The following WWP1 variants were observed in gnomAD, a reference collection of about 807,000 sequenced individuals.
WWP1 encodes the protein NEDD4-like E3 ubiquitin-protein ligase WWP1.
A neutral mutation model predicts 130.6 loss-of-function variants in WWP1; 49 were observed. The ratio of observed to expected loss-of-function variants is 0.38; its 90% CI spans 0.30 to 0.48. The LOEUF (loss-of-function observed/expected upper bound fraction) is 0.48, where lower values mean the gene tolerates loss of function less well. Ranked by LOEUF, WWP1 falls within the 20% of genes least tolerant of loss-of-function variation. WWP1 has a pLI of 0.99. For synonymous variants in WWP1, 332 were observed against 367.8 expected (o/e 0.90, Z 1.11); for missense variants, 809 against 1,100.6 (o/e 0.74, Z 3.75).
intron 14 of WWP1, 40 bp downstream of exon 14, chr8:86,431,783 G>A: frequency 6.2e-7 from 1 of 1,608,252 alleles, no homozygotes; most frequent in African/African-American, 1.3e-5. Context: ...ATATTGCTTA[G>A]TGAGCACATG....
intron 18 of WWP1, among the ~76,000 whole-genome samples, chr8:86,444,755 G>A (rs1366386388): frequency 1.3e-5 from 2 of 152,110 alleles, no homozygotes; most frequent in Non-Finnish European, 2.9e-5. Context: ...AGAGAATGGA[G>A]GGAGAGTGGA....
intron 17 of WWP1, among the ~76,000 whole-genome samples, chr8:86,438,947 A>G (rs561506754): frequency 6.6e-6 from 1 of 152,314 alleles, no homozygotes; most frequent in South Asian, 2.1e-4. Context: ...TACAAAATGT[A>G]GGATCTGATT....
intron 14 of WWP1, among the ~76,000 whole-genome samples, chr8:86,433,511 T>C (rs141455484): frequency 0.12 from 18,571 of 151,026 alleles, 1,528 homozygotes; most frequent in Non-Finnish European, 0.18. Flanking sequence ...CCCAGGAGTT[T>C]GAGACCAGCC....
intron 2 of WWP1, among the ~76,000 whole-genome samples, chr8:86,371,844 C>CT (rs970172956): frequency 6.6e-6 from 1 of 151,544 alleles, no homozygotes; most frequent in East Asian, 1.9e-4. Context: ...AATATTCACC[C>CT]TTTTTTTCTT....
intron 18 of WWP1, among the ~76,000 whole-genome samples, chr8:86,446,868 A>T (rs912195411): frequency 2.0e-5 from 3 of 152,248 alleles, no homozygotes; most frequent in Non-Finnish European, 4.4e-5. Flanking sequence ...TGGAAAGATT[A>T]TCTATAATAA....
rs1812276257 is a variant in WWP1 at position 86,468,225 on chromosome 8, TATAA to T, written c.*1336_*1339del. 2 of 287,236 alleles carry T rather than the reference TATAA, an allele frequency of 7.0e-6. No individual in the cohort carries two copies. Among genetic ancestry groups the T allele is most frequent in the South Asian group, 3.4e-5 (1 of 29,320 alleles). 17.8% of individuals were successfully genotyped at this position (287,236 alleles called of 1,614,324 possible). ...AACTGACTTCTTAAAATCTGTTGCC[TATAA>T]ATATTTCACTGCTAAGTACATACAG... On this transcript the variant is annotated 3_prime_UTR_variant, in exon 25 of 25. Coordinates refer to ENST00000517970, the MANE Select transcript of WWP1 (RefSeq NM_007013.4).
At chr8:86,439,215 C>T (rs767947381) in intron 17 of WWP1, among the ~76,000 whole-genome samples, 13 of 151,788 alleles carry the variant, frequency 8.6e-5, no homozygotes, top group Non-Finnish European at 1.3e-4. Flanking sequence ...TGGTGGTGGG[C>T]GCCTGTAGTT....
intron 5 of WWP1, among the ~76,000 whole-genome samples, chr8:86,387,353 C>T (rs1416851853): frequency 6.6e-6 from 1 of 152,010 alleles, no homozygotes; most frequent in Non-Finnish European, 1.5e-5. Flanking sequence ...GCCAAAATAG[C>T]CTGTGAATAA....
chr8:86,427,967 A>G lies in WWP1; in HGVS notation c.1332+150A>G, dbSNP rs1809726545. ...CTGTGTTACAAGATATTTTTTAGTT[A>G]ATCTTTAATAAATAGTGTTTCTGAT... On this transcript the variant is annotated intron_variant, in intron 11 of 24. Transcript: ENST00000517970. The G allele has an allele frequency of 2.0e-5, 12 of 585,582 alleles. No individual in the cohort carries two copies. In the Admixed American group the frequency reaches 4.3e-4, roughly 21 times the overall value. The allele number at this position is 585,582 out of a possible 1,614,324, so 36.3% of individuals were successfully genotyped here.
intron 14 of WWP1, among the ~76,000 whole-genome samples, chr8:86,434,114 G>A (rs1810150898): frequency 6.6e-6 from 1 of 152,110 alleles, no homozygotes; most frequent in South Asian, 2.1e-4. Context: ...TCCTCTCTCT[G>A]CTTTCTTCCC....
chr8:86,432,015 GATACT>G (rs1323523395), intron 14 of WWP1, among the ~76,000 whole-genome samples: 2 of 152,152 alleles, frequency 1.3e-5, no homozygotes, highest in African/African-American at 2.4e-5. Flanking sequence ...CCTTGAGGTA[GATACT>G]ATTATTTTTC....
rs763484699 is a variant in WWP1 at position 86,427,627 on chromosome 8, T to C, written c.1158-16T>C. The C allele has an allele frequency of 6.3e-7, 1 of 1,577,170 alleles. No individual in the cohort carries two copies. ...ATATTGAGAGATTATTGTTTATTAT[T>C]GTTTACTTGTGGTAGTTGGGAAAGA... On this transcript the variant is annotated splice_polypyrimidine_tract_variant and intron_variant, in intron 10 of 24. Transcript: ENST00000517970.
intron 7 of WWP1, 84 bp downstream of exon 7, chr8:86,398,722 T>G: frequency 6.8e-7 from 1 of 1,463,910 alleles, no homozygotes. Context: ...TACCTTAGTT[T>G]AGAATTTGCC....
In WWP1 at chr8:86,411,905, A is replaced by T. The variant is rs747487009; in HGVS notation, c.1061+31A>T. 4 of 1,546,136 alleles carry T rather than the reference A, an allele frequency of 2.6e-6. No homozygotes were observed. The Admixed American group carries it at 5.8e-5, about 22-fold the overall frequency. On this transcript the variant is annotated intron_variant, in intron 9 of 24. Coordinates refer to ENST00000517970, the MANE Select transcript of WWP1 (RefSeq NM_007013.4). Reference sequence around the variant, plus strand: ...TTAAGCTTTTTAATGTCTGACTTGCATTTAAGTAGCAACTCTGTTAACATA... The same window carrying T: ...TTAAGCTTTTTAATGTCTGACTTGCTTTTAAGTAGCAACTCTGTTAACATA...
intron 2 of WWP1, among the ~76,000 whole-genome samples, chr8:86,372,047 G>A (rs1195925316): frequency 6.0e-5 from 7 of 116,444 alleles, no homozygotes; most frequent in African/African-American, 2.3e-4. Flanking sequence ...TTTTTGAGAC[G>A]GAGTTTCGCT....
chr8:86,391,328 C>T (rs1336440918), intron 5 of WWP1, among the ~76,000 whole-genome samples: 1 of 152,190 alleles, frequency 6.6e-6, no homozygotes, highest in Non-Finnish European at 1.5e-5. Flanking sequence ...ATTTGTGCCT[C>T]AGTTAAACTT....
intron 1 of WWP1, among the ~76,000 whole-genome samples, chr8:86,355,724 T>C (rs1823215551): frequency 6.6e-6 from 1 of 152,216 alleles, no homozygotes; most frequent in South Asian, 2.1e-4. Flanking sequence ...GATTAATTGT[T>C]CTTTCTCTTT....
chr8:86,450,422 A>C (rs1256022777), intron 20 of WWP1, among the ~76,000 whole-genome samples: 1 of 152,224 alleles, frequency 6.6e-6, no homozygotes, highest in Non-Finnish European at 1.5e-5. Context: ...TGCATAAGGC[A>C]CTGGACTTTC....
intron 24 of WWP1, 64 bp downstream of exon 24, chr8:86,461,910 A>T (rs367874866): frequency 7.3e-7 from 1 of 1,367,602 alleles, no homozygotes; most frequent in African/African-American, 1.4e-5. Context: ...TTGTTTTTTT[A>T]AAAATATGTA....
Sources: allele counts gnomAD v4.1 joint callset (sites outside exome capture counted in the v4.1 genomes callset), GRCh38; gene constraint gnomAD v4.1.1; transcripts MANE v1.5; gene names NCBI Gene and HGNC (gene_info 2026-07-23, HGNC 2026-07-21).